SPECC1: variants seen among roughly 807,000 people sequenced by gnomAD.
SPECC1 encodes sperm antigen with calponin homology and coiled-coil domains 1.
A neutral mutation model predicts 104.1 loss-of-function variants in SPECC1; 62 were observed. The observed-to-expected ratio is 0.60, with a 90% CI of 0.49 to 0.74. The LOEUF (loss-of-function observed/expected upper bound fraction) is 0.74. Ranked by LOEUF, SPECC1 falls within the 30% of genes least tolerant of loss-of-function variation. The pLI is 0.00. For synonymous variants in SPECC1, 513 were observed against 501.6 expected (o/e 1.02, Z -0.30); for missense variants, 1,306 against 1,310.5 (o/e 1.00, Z 0.05).
rs879081837 is a variant in SPECC1, at chr17:20,257,361, A to G, written c.2681-90A>G. 1.7e-5 allele frequency: 24 copies of G among 1,412,240 alleles called. No homozygotes were observed. The South Asian group carries it at 2.9e-4, about 17-fold the overall frequency. The allele number at this position is 1,412,240 out of a possible 1,614,324, so 87.5% of individuals were successfully genotyped here. On this transcript the variant is annotated intron_variant, in intron 10 of 14. Transcript: ENST00000395527. ...ATATATGTTTGCACTTGAGGATAAA[A>G]TGAGAACTGTATTGTATTTGAGAAT...
intron 3 of SPECC1, among the ~76,000 whole-genome samples, chr17:20,121,189 G>C (rs542513864): frequency 2.0e-5 from 3 of 152,146 alleles, no homozygotes; most frequent in Non-Finnish European, 2.9e-5. Context: ...CATAGGAAGA[G>C]CATGGTTATT....
intron 1 of SPECC1, chr17:20,017,481 A>AAC (rs2044189674): frequency 1.3e-5 from 2 of 153,216 alleles, no homozygotes; most frequent in Non-Finnish European, 2.9e-5. Context: ...CACCGCCTTT[A>AAC]AGAACTGTTA....
intron 7 of SPECC1, among the ~76,000 whole-genome samples, chr17:20,233,628 C>A (rs1310818362): frequency 6.6e-6 from 1 of 152,176 alleles, no homozygotes; most frequent in Non-Finnish European, 1.5e-5. Flanking sequence ...TCTGCCTCAG[C>A]CTTCTGACTA....
intron 13 of SPECC1, 88 bp downstream of exon 13, chr17:20,297,165 G>A: frequency 1.8e-6 from 2 of 1,120,234 alleles, no homozygotes; most frequent in Non-Finnish European, 2.6e-6. Flanking sequence ...GGGCTTACAG[G>A]CCTGAAGTAG....
At chr17:20,116,228 A>G (rs986231012) in intron 3 of SPECC1, among the ~76,000 whole-genome samples, 4 of 152,084 alleles carry the variant, frequency 2.6e-5, no homozygotes, top group Admixed American at 2.6e-4. Flanking sequence ...GCTTGGGACT[A>G]CAGGTGCCCG....
chr17:20,164,311 C>T (rs995834124), intron 3 of SPECC1, among the ~76,000 whole-genome samples: 1 of 151,980 alleles, frequency 6.6e-6, no homozygotes. Flanking sequence ...CAGGCAGTGC[C>T]ACCATGCCCA....
At chr17:20,125,701 T>C (rs1296000926) in intron 3 of SPECC1, among the ~76,000 whole-genome samples, 1 of 152,234 alleles carries the variant, frequency 6.6e-6, no homozygotes, top group Non-Finnish European at 1.5e-5. Context: ...TGTGTCAGAG[T>C]TTCCTTCCTT....
intron 3 of SPECC1, among the ~76,000 whole-genome samples, chr17:20,123,711 G>A (rs181836915): frequency 5.1e-4 from 77 of 152,278 alleles, no homozygotes; most frequent in African/African-American, 1.9e-3. Flanking sequence ...TCTCAGGTAG[G>A]GAGACTTGTT....
intron 14 of SPECC1, among the ~76,000 whole-genome samples, chr17:20,308,721 A>G (rs984263853): frequency 1.3e-5 from 2 of 152,188 alleles, no homozygotes; most frequent in Admixed American, 1.3e-4. Context: ...AGATATCCCT[A>G]TTGTGTATTT....
intron 9 of SPECC1, among the ~76,000 whole-genome samples, chr17:20,250,356 T>C (rs2039575935): frequency 6.6e-6 from 1 of 152,204 alleles, no homozygotes; most frequent in Non-Finnish European, 1.5e-5. Flanking sequence ...TAAAAGACTA[T>C]TAAAATTCAA....
At chr17:20,119,316 TC>T (rs1313496746) in intron 3 of SPECC1, among the ~76,000 whole-genome samples, 2 of 152,242 alleles carry the variant, frequency 1.3e-5, no homozygotes, top group African/African-American at 2.4e-5. Flanking sequence ...CTCCACAACC[TC>T]CGCCTCCTGA....
At chr17:20,224,867 G>A (rs1567959237) in intron 4 of SPECC1, among the ~76,000 whole-genome samples, 1 of 151,942 alleles carries the variant, frequency 6.6e-6, no homozygotes, top group Non-Finnish European at 1.5e-5. Context: ...AAGCAGAAGG[G>A]ATCTCTCCCT....
In SPECC1 at chr17:20,229,853, G is replaced by A. The variant is rs546581283; in HGVS notation, c.2072-1905G>A. 1.4e-4 allele frequency among the ~76,000 whole-genome samples: 21 copies of A among 152,256 alleles called. No individual in the cohort carries two copies. The South Asian group carries it at 2.9e-3, about 21-fold the overall frequency. ...GTTTTAAAAAGCTGTGGGCAATATT[G>A]TTGTGTGGCTGAAAACCAAAGCAAT... On this transcript the variant is annotated intron_variant, in intron 5 of 14. Transcript: ENST00000395527.
intron 1 of SPECC1, among the ~76,000 whole-genome samples, chr17:20,065,322 C>T (rs187751313): frequency 1.6e-4 from 24 of 152,338 alleles, no homozygotes; most frequent in Non-Finnish European, 2.5e-4. Context: ...GCCTCCTTCT[C>T]CAGTCACCAG....
intron 1 of SPECC1, among the ~76,000 whole-genome samples, chr17:20,015,582 C>CTCTTTTT (rs1469162594): frequency 3.7e-5 from 3 of 81,050 alleles, no homozygotes; most frequent in Admixed American, 1.3e-4. Flanking sequence ...TTCCGGGTCT[C>CTCTTTTT]TATTTTTTTT....
At chr17:20,048,763 G>A (rs186949192) in intron 1 of SPECC1, among the ~76,000 whole-genome samples, 46 of 151,772 alleles carry the variant, frequency 3.0e-4, no homozygotes, top group Admixed American at 1.7e-3. Context: ...ATGATGGCAC[G>A]TGCCTGTAGT....
chr17:20,252,078 G>C (rs2039653371), intron 9 of SPECC1, among the ~76,000 whole-genome samples: 1 of 151,968 alleles, frequency 6.6e-6, no homozygotes, highest in Non-Finnish European at 1.5e-5. Flanking sequence ...TAACAGTTGT[G>C]TTTTTAGAAA....
At chr17:20,269,848 G>T (rs1322858696) in intron 12 of SPECC1, among the ~76,000 whole-genome samples, 1 of 152,160 alleles carries the variant, frequency 6.6e-6, no homozygotes, top group Non-Finnish European at 1.5e-5. Context: ...ATAAATCTGT[G>T]AATAGCCGTG....
chr17:20,238,998 CA>C, intron 7 of SPECC1: 4 of 1,036,432 alleles, frequency 3.9e-6, no homozygotes, highest in Non-Finnish European at 4.6e-6. Flanking sequence ...AAAGTCACAT[CA>C]AGTAACTAGA....
Sources: allele counts gnomAD v4.1 joint callset (sites outside exome capture counted in the v4.1 genomes callset), GRCh38; gene constraint gnomAD v4.1.1; transcripts MANE v1.5; gene names NCBI Gene and HGNC (gene_info 2026-07-23, HGNC 2026-07-21).